NSUN2: variants seen among roughly 807,000 people sequenced by gnomAD.
The protein encoded by NSUN2 is NOP2/Sun RNA methyltransferase 2.
Under a neutral mutation model 92.7 loss-of-function variants are expected in NSUN2, and 63 were observed. The ratio of observed to expected loss-of-function variants is 0.68; its 90% CI spans 0.56 to 0.84. The LOEUF (loss-of-function observed/expected upper bound fraction) is 0.84. Ranked by LOEUF, NSUN2 falls within the 40% of genes least tolerant of loss-of-function variation. NSUN2 has a pLI of 0.00. For missense variants in NSUN2, 989 were observed against 964.9 expected, an observed-to-expected ratio of 1.02 and a Z score of -0.33; for synonymous variants, 356 against 348.3, an observed-to-expected ratio of 1.02 and a Z score of -0.25.
At chr5:6,603,777 G>T (rs1206315153) in intron 17 of NSUN2, 1 of 195,058 alleles carries the variant, frequency 5.1e-6, no homozygotes, top group African/African-American at 2.3e-5. Flanking sequence ...AGTGGGTCAA[G>T]AGCTCTGGCT....
chr5:6,623,318 G>GCAA, intron 4 of NSUN2, 33 bp from the exon 5 acceptor site: 1 of 1,385,812 alleles, frequency 7.2e-7, no homozygotes. Context: ...GCAACAATTA[G>GCAA]GAAAAAAAAA....
At chr5:6,613,150 C>T (rs1737072473) in intron 9 of NSUN2, among the ~76,000 whole-genome samples, 1 of 152,204 alleles carries the variant, frequency 6.6e-6, no homozygotes, top group Non-Finnish European at 1.5e-5. Context: ...AAGAAAATGA[C>T]TACAGAATAG....
intron 15 of NSUN2, 78 bp from the exon 16 acceptor site, chr5:6,604,763 A>T (rs773792500): frequency 1.5e-5 from 18 of 1,200,768 alleles, no homozygotes; most frequent in Non-Finnish European, 2.2e-5. Context: ...GGCCACATGG[A>T]GCAACCGTCA....
At chr5:6,625,226 T>C (rs900866725) in intron 4 of NSUN2, among the ~76,000 whole-genome samples, 1 of 152,212 alleles carries the variant, frequency 6.6e-6, no homozygotes, top group Non-Finnish European at 1.5e-5. Context: ...ATACTACTTT[T>C]TATGTACAAC....
chr5:6,623,902 A>G (rs538880094), intron 4 of NSUN2, among the ~76,000 whole-genome samples: 3 of 152,330 alleles, frequency 2.0e-5, no homozygotes, highest in South Asian at 2.1e-4. Context: ...AGGCAGAACT[A>G]TTCAGGTGCA....
intron 12 of NSUN2, among the ~76,000 whole-genome samples, chr5:6,607,710 C>T (rs1346495865): frequency 6.6e-6 from 1 of 152,158 alleles, no homozygotes; most frequent in Non-Finnish European, 1.5e-5. Flanking sequence ...CTGGGTAAGG[C>T]ACACTGAAGG....
chr5:6,613,738 T>C (rs1015668539), intron 9 of NSUN2, among the ~76,000 whole-genome samples: 3 of 152,208 alleles, frequency 2.0e-5, no homozygotes, highest in African/African-American at 7.2e-5. Flanking sequence ...CCTTGCTCCA[T>C]TACCTTGTCA....
rs8192121 is a variant in NSUN2 at position 6,632,228 on chromosome 5, CA to C, written c.255-252del. On this transcript the variant is annotated intron_variant, in intron 2 of 18. Transcript: ENST00000264670. Reference sequence around the variant, plus strand: ...CTACCGTTAAGTTTTACTTGCGACTCATTTAGAAAGATGTAACTACAAAGAT... The same window carrying C: ...CTACCGTTAAGTTTTACTTGCGACTCTTTAGAAAGATGTAACTACAAAGAT... Among the ~76,000 whole-genome samples the C allele has an allele frequency of 0.017, 2,635 of 152,056 alleles. 34 individuals carry two copies. The highest frequency in any genetic ancestry group is 0.027 in the Non-Finnish European group (1,866 of 68,006).
intron 14 of NSUN2, 123 bp downstream of exon 14, chr5:6,606,697 T>TAA (rs3996725): frequency 1.5e-5 from 7 of 471,930 alleles, no homozygotes; most frequent in South Asian, 8.3e-5. Context: ...TTAAAAAGGT[T>TAA]AAAAAAAAAA....
At chr5:6,621,345 T>C (rs768677540) in intron 6 of NSUN2, 9 of 151,538 alleles carry the variant, frequency 5.9e-5, no homozygotes, top group Admixed American at 2.0e-4. Flanking sequence ...CAGTAAGTAA[T>C]AATAATAATA....
chr5:6,632,918 T>C lies in NSUN2; in HGVS notation c.62A>G (p.Asp21Gly). Reference protein sequence around the residue: ...QQQQRPEDAEDGAEGGGKRGE... With the variant: ...QQQQRPEDAEGGAEGGGKRGE... ...GCGCTTTCCACCACCCTCGGCGCCA[T>C]CCTCCGCGTCCTCCGGCCGCTGCTG... The change falls in exon 1 of 19, where the codon GAT becomes GGT. Residue 21 changes from aspartate (D) to glycine (G), a missense_variant. By Grantham distance (94) the Asp-to-Gly change is moderately conservative. Transcript: ENST00000264670. The C allele has an allele frequency of 6.6e-7, 1 of 1,517,340 alleles. No homozygotes were observed. Among genetic ancestry groups the C allele is most frequent in the Non-Finnish European group, 8.8e-7 (1 of 1,139,668 alleles). The allele number at this position is 1,517,340 out of a possible 1,614,324, so 94.0% of individuals were successfully genotyped here.
chr5:6,610,710 G>A (rs1346000605), intron 11 of NSUN2, among the ~76,000 whole-genome samples: 1 of 150,090 alleles, frequency 6.7e-6, no homozygotes, highest in African/African-American at 2.5e-5. Context: ...AGTTCATGAA[G>A]TACCCTAAGC....
Position 6,600,360 on chromosome 5 carries a change from C to T in NSUN2, c.1998-128G>A, listed in dbSNP as rs576518058. 8.8e-6 allele frequency: 7 copies of T among 798,270 alleles called. No homozygotes were observed. The South Asian group carries it at 1.3e-4, about 15-fold the overall frequency. The allele number at this position is 798,270 out of a possible 1,614,324, so 49.4% of individuals were successfully genotyped here. On this transcript the variant is annotated intron_variant, in intron 18 of 18. Coordinates refer to ENST00000264670, the MANE Select transcript of NSUN2 (RefSeq NM_017755.6). ...CATACCCACAAAACCCCCAAAACTA[C>T]TGGGAGGACATTTCATCTGGATCCG...
intron 9 of NSUN2, 47 bp from the exon 10 acceptor site, chr5:6,611,845 A>G: frequency 6.8e-7 from 1 of 1,477,762 alleles, no homozygotes; most frequent in East Asian, 2.3e-5. Context: ...AAAAAGTATT[A>G]ACACACTATG....
intron 3 of NSUN2, among the ~76,000 whole-genome samples, chr5:6,629,358 A>T (rs533609229): frequency 5.9e-5 from 9 of 152,344 alleles, no homozygotes; most frequent in African/African-American, 2.2e-4. Context: ...AATAATAAAA[A>T]ACTAGCAAGC....
At chr5:6,626,325 T>C (rs1425637421) in intron 3 of NSUN2, among the ~76,000 whole-genome samples, 1 of 151,994 alleles carries the variant, frequency 6.6e-6, no homozygotes, top group African/African-American at 2.4e-5. Flanking sequence ...ATGTTATTTT[T>C]ATTTTTTTTA....
intron 18 of NSUN2, 39 bp from the exon 19 acceptor site, chr5:6,600,271 T>A (rs1256336705): frequency 3.2e-6 from 5 of 1,557,806 alleles, no homozygotes; most frequent in Non-Finnish European, 2.6e-6. Context: ...CATTAAACAT[T>A]CCCATAACTA....
intron 1 of NSUN2, 50 bp downstream of exon 1, chr5:6,632,834 G>C (rs777853753): frequency 1.9e-6 from 3 of 1,551,802 alleles, no homozygotes; most frequent in South Asian, 2.3e-5. Context: ...CTCGGGGTCC[G>C]GGAAGCCCAG....
In NSUN2 at chr5:6,619,458, C is replaced by T. The variant is rs577261254; in HGVS notation, c.815+648G>A. ...GTCATTATCACCTGGGATCATCATC[C>T]GTGCACCTCCTATGGGAACGGAACA... On this transcript the variant is annotated intron_variant, in intron 7 of 18. Transcript: ENST00000264670. 4.9e-4 allele frequency among the ~76,000 whole-genome samples: 75 copies of T among 152,314 alleles called. 1 individual carries two copies. The South Asian group carries it at 8.9e-3, about 18-fold the overall frequency.
Sources: gnomAD v4.1 joint callset for allele counts (sites outside exome capture counted in the v4.1 genomes callset) on GRCh38, gnomAD v4.1.1 for gene constraint, MANE v1.5 for transcripts, NCBI Gene and HGNC (gene_info 2026-07-23, HGNC 2026-07-21) for gene names.